GRM5: variants seen among roughly 807,000 people sequenced by gnomAD.
GRM5 encodes the protein metabotropic glutamate receptor 5.
A neutral mutation model predicts 83.1 loss-of-function variants in GRM5; 19 were observed. That is an observed-to-expected ratio of 0.23 (90% CI 0.16 to 0.34). The LOEUF is 0.34. Among genes scored for constraint, GRM5 ranks in the 10% least tolerant of loss-of-function variants. The pLI, the probability that GRM5 is intolerant of heterozygous loss-of-function variation, is 1.00. For missense variants in GRM5, 1,160 were observed against 1,588.3 expected, an observed-to-expected ratio of 0.73 and a Z score of 4.58; for synonymous variants, 675 against 633.6, an observed-to-expected ratio of 1.07 and a Z score of -0.98.
At chr11:88,588,710 G>A (rs565876780) in intron 7 of GRM5, among the ~76,000 whole-genome samples, 3 of 152,052 alleles carry the variant, frequency 2.0e-5, no homozygotes, top group African/African-American at 4.8e-5. Context: ...ACGACCTCTC[G>A]GATATTTCCA....
At chr11:88,869,064 T>C (rs1565269119) in intron 2 of GRM5, among the ~76,000 whole-genome samples, 1 of 151,748 alleles carries the variant, frequency 6.6e-6, no homozygotes, top group African/African-American at 2.4e-5. Flanking sequence ...TAAAAACCAC[T>C]TGGGATTACC....
intron 3 of GRM5, among the ~76,000 whole-genome samples, chr11:88,729,930 C>CAACAT (rs749408735): frequency 1.3e-3 from 194 of 152,098 alleles, no homozygotes; most frequent in Non-Finnish European, 2.0e-3. Flanking sequence ...AAAAGCCCTA[C>CAACAT]AACATAACCT....
At chr11:88,639,000 CTACT>C (rs1378676343) in intron 4 of GRM5, among the ~76,000 whole-genome samples, 2 of 151,990 alleles carry the variant, frequency 1.3e-5, no homozygotes, top group African/African-American at 2.4e-5. Flanking sequence ...TTTACTTTTT[CTACT>C]TACTTTGTGG....
intron 2 of GRM5, among the ~76,000 whole-genome samples, chr11:88,922,281 T>C (rs1185917508): frequency 1.3e-5 from 2 of 152,092 alleles, no homozygotes; most frequent in African/African-American, 2.4e-5. Context: ...GCCAACGCTA[T>C]CCTGAGCAAA....
intron 3 of GRM5, among the ~76,000 whole-genome samples, chr11:88,795,233 G>T (rs1943255439): frequency 6.6e-6 from 1 of 152,206 alleles, no homozygotes; most frequent in Non-Finnish European, 1.5e-5. Context: ...CAGTATCCCA[G>T]AGAGGGGCAG....
chr11:88,526,193 G>A (rs548863472), intron 8 of GRM5, among the ~76,000 whole-genome samples: 23 of 152,234 alleles, frequency 1.5e-4, no homozygotes, highest in Admixed American at 2.6e-4. Context: ...AGTTCACCGC[G>A]CTTTGAAGAT....
intron 7 of GRM5, among the ~76,000 whole-genome samples, chr11:88,574,720 T>C (rs1462881536): frequency 1.3e-5 from 2 of 152,146 alleles, no homozygotes; most frequent in Non-Finnish European, 2.9e-5. Flanking sequence ...TGAGCCAAGA[T>C]TGCACCACTG....
At chr11:88,632,502 T>A (rs563708481) in intron 4 of GRM5, among the ~76,000 whole-genome samples, 35 of 152,220 alleles carry the variant, frequency 2.3e-4, no homozygotes, top group African/African-American at 8.4e-4. Flanking sequence ...TCTGGCTACT[T>A]AGACTCATAA....
At chr11:88,570,519 G>A (rs919067743) in intron 7 of GRM5, among the ~76,000 whole-genome samples, 20 of 140,122 alleles carry the variant, frequency 1.4e-4, no homozygotes, top group Non-Finnish European at 3.0e-4. Flanking sequence ...TTGCTCCTTG[G>A]AGAGGCTGTT....
chr11:88,551,707 C>G (rs745401433), intron 8 of GRM5, among the ~76,000 whole-genome samples: 3 of 152,188 alleles, frequency 2.0e-5, no homozygotes, highest in Admixed American at 2.0e-4. Context: ...CCTCTCCACA[C>G]TTCAGTGTCC....
chr11:88,563,993 C>A (rs1251231594), intron 8 of GRM5, among the ~76,000 whole-genome samples: 1 of 152,122 alleles, frequency 6.6e-6, no homozygotes, highest in Non-Finnish European at 1.5e-5. Flanking sequence ...GCATCTCTTT[C>A]TAATGACTGT....
intron 1 of GRM5, among the ~76,000 whole-genome samples, chr11:89,049,613 C>T (rs1941714976): frequency 6.6e-6 from 1 of 152,192 alleles, no homozygotes; most frequent in South Asian, 2.1e-4. Context: ...CTAATCACTC[C>T]TACCATCATT....
At chr11:89,045,724 A>C (rs1269529695) in intron 2 of GRM5, among the ~76,000 whole-genome samples, 2 of 152,172 alleles carry the variant, frequency 1.3e-5, no homozygotes, top group African/African-American at 4.8e-5. Context: ...CCAAGCACTG[A>C]TCTTCTGAAG....
intron 3 of GRM5, among the ~76,000 whole-genome samples, chr11:88,676,040 T>C (rs1940320761): frequency 6.6e-6 from 1 of 152,020 alleles, no homozygotes; most frequent in Admixed American, 6.6e-5. Context: ...TAAGGCTAGT[T>C]ATAATAAAGA....
At chr11:88,867,679 C>A (rs752928072) in intron 2 of GRM5, among the ~76,000 whole-genome samples, 1 of 151,276 alleles carries the variant, frequency 6.6e-6, no homozygotes, top group Non-Finnish European at 1.5e-5. Flanking sequence ...TGAATGGGGT[C>A]CTTATAGGAA....
At chr11:88,748,546 G>A (rs967543031) in intron 3 of GRM5, among the ~76,000 whole-genome samples, 1 of 152,234 alleles carries the variant, frequency 6.6e-6, no homozygotes, top group South Asian at 2.1e-4. Flanking sequence ...TGGTCTGGAT[G>A]AGAAAGGGTT....
intron 8 of GRM5, among the ~76,000 whole-genome samples, chr11:88,544,845 G>A (rs542689554): frequency 2.0e-5 from 3 of 152,206 alleles, no homozygotes; most frequent in Non-Finnish European, 2.9e-5. Context: ...TGGTACCAAC[G>A]AAATCCTTGG....
At chr11:88,834,581 C>T (rs1043707647) in intron 3 of GRM5, among the ~76,000 whole-genome samples, 18 of 139,420 alleles carry the variant, frequency 1.3e-4, no homozygotes, top group African/African-American at 4.4e-4. Flanking sequence ...ATAAAACCTA[C>T]GAAGGCTTCC....
chr11:88,706,576 A>G (rs888247491), intron 3 of GRM5, among the ~76,000 whole-genome samples: 1 of 152,104 alleles, frequency 6.6e-6, no homozygotes, highest in African/African-American at 2.4e-5. Flanking sequence ...GGAAGGTGCT[A>G]TTAATAATTT....
Sources: allele counts gnomAD v4.1 joint callset (sites outside exome capture counted in the v4.1 genomes callset), GRCh38; gene constraint gnomAD v4.1.1; transcripts MANE v1.5; gene names NCBI Gene and HGNC (gene_info 2026-07-23, HGNC 2026-07-21).